The following C12orf75 variants were observed in gnomAD, a reference collection of about 807,000 sequenced individuals.
C12orf75 encodes chromosome 12 open reading frame 75, also known as overexpressed in colon carcinoma 1 protein.
In C12orf75, 4 loss-of-function variants were observed where a neutral mutation model predicts 11.4. That is an observed-to-expected ratio of 0.35 (90% confidence interval 0.17 to 0.80). The LOEUF (loss-of-function observed/expected upper bound fraction) is 0.80, where lower values mean the gene tolerates loss of function less well. C12orf75 is among the 30% of genes least tolerant of loss of function. The pLI is 0.52. For synonymous variants in C12orf75, 30 were observed against 30.0 expected (o/e 1.00, Z 0.00); for missense variants, 89 against 80.4 (o/e 1.11, Z -0.41).
intron 1 of C12orf75, among the ~76,000 whole-genome samples, chr12:105,333,184 G>T (rs1320434604): frequency 6.6e-6 from 1 of 152,146 alleles, no homozygotes; most frequent in Non-Finnish European, 1.5e-5. Context: ...CCAAACATTT[G>T]CCTGCCTGTG....
intron 2 of C12orf75, among the ~76,000 whole-genome samples, chr12:105,357,185 G>C (rs1037017550): frequency 6.6e-6 from 1 of 152,186 alleles, no homozygotes; most frequent in Non-Finnish European, 1.5e-5. Context: ...ACTACCTAGA[G>C]AATCTGGATC....
In C12orf75 at chr12:105,371,095, A is replaced by G. The variant is rs1281422414; in HGVS notation, c.*495A>G. 1 of 153,880 alleles carries G rather than the reference A, an allele frequency of 6.5e-6. No individual in the cohort carries two copies. The highest frequency in any genetic ancestry group is 1.9e-4 in the East Asian group (1 of 5,282). 9.5% of individuals were successfully genotyped at this position (153,880 alleles called of 1,614,324 possible). On this transcript the variant is annotated 3_prime_UTR_variant, in exon 6 of 6. Coordinates refer to ENST00000443585, the MANE Select transcript of C12orf75 (RefSeq NM_001145199.2). Reference sequence around the variant, plus strand: ...CTTTTGCTATTTCTACTTCACTTTAATTTTTAGCTGTAAAATTGGTAAATG... The same window carrying G: ...CTTTTGCTATTTCTACTTCACTTTAGTTTTTAGCTGTAAAATTGGTAAATG...
At chr12:105,366,196 T>A (rs1271131007) in intron 3 of C12orf75, 3 of 320,002 alleles carry the variant, frequency 9.4e-6, no homozygotes, top group Non-Finnish European at 1.7e-5. Flanking sequence ...TCTCTTGCTG[T>A]CTCTGCCCTC....
chr12:105,364,405 A>G (rs1344815562), intron 2 of C12orf75, among the ~76,000 whole-genome samples: 3 of 152,254 alleles, frequency 2.0e-5, no homozygotes, highest in African/African-American at 7.2e-5. Context: ...GTTTGGATGA[A>G]TTAGGTCTCA....
At chr12:105,335,006 A>T (rs1042797720) in intron 1 of C12orf75, among the ~76,000 whole-genome samples, 3 of 152,250 alleles carry the variant, frequency 2.0e-5, no homozygotes, top group African/African-American at 7.2e-5. Context: ...GAGTTATCTC[A>T]GAAATATTCA....
chr12:105,339,364 AAAG>A (rs147995067), intron 1 of C12orf75, among the ~76,000 whole-genome samples: 3,768 of 151,588 alleles, frequency 0.025, 182 homozygotes, highest in African/African-American at 0.085. Context: ...ATTTATGCTG[AAAG>A]AAGAGTGCTT....
intron 1 of C12orf75, among the ~76,000 whole-genome samples, chr12:105,332,981 T>G (rs760267765): frequency 2.6e-5 from 4 of 151,766 alleles, no homozygotes; most frequent in Non-Finnish European, 4.4e-5. Context: ...CAGCCTCACT[T>G]TTGTTTGTGG....
At chr12:105,345,108 C>T (rs1892622163) in intron 1 of C12orf75, among the ~76,000 whole-genome samples, 1 of 152,044 alleles carries the variant, frequency 6.6e-6, no homozygotes, top group African/African-American at 2.4e-5. Context: ...TCAGGCACAA[C>T]TGACCAGCAT....
intron 1 of C12orf75, among the ~76,000 whole-genome samples, chr12:105,336,261 G>A (rs1892498205): frequency 6.6e-6 from 1 of 152,208 alleles, no homozygotes; most frequent in Non-Finnish European, 1.5e-5. Flanking sequence ...GGACAGAAAG[G>A]CACTGAGGCC....
intron 1 of C12orf75, among the ~76,000 whole-genome samples, chr12:105,340,739 G>C (rs1355965550): frequency 6.6e-6 from 1 of 152,102 alleles, no homozygotes; most frequent in African/African-American, 2.4e-5. Flanking sequence ...TAAAGTTAAG[G>C]GTTTTGAGAT....
intron 2 of C12orf75, among the ~76,000 whole-genome samples, chr12:105,357,233 C>G (rs1892795476): frequency 6.6e-6 from 1 of 152,178 alleles, no homozygotes. Flanking sequence ...AAGAAGAGCA[C>G]CTGGCTGGTT....
intron 2 of C12orf75, among the ~76,000 whole-genome samples, chr12:105,364,543 C>T (rs778751969): frequency 1.8e-4 from 27 of 152,194 alleles, no homozygotes; most frequent in South Asian, 4.1e-4. Context: ...GCAAAAATCT[C>T]ATGCACATAT....
At chr12:105,354,977 A>G (rs1892756870) in intron 2 of C12orf75, among the ~76,000 whole-genome samples, 1 of 151,832 alleles carries the variant, frequency 6.6e-6, no homozygotes, top group Admixed American at 6.6e-5. Context: ...TATCGAAAGG[A>G]GGATTTTTTT....
chr12:105,370,697 A>G lies in C12orf75; in HGVS notation c.*97A>G. 1 of 457,674 alleles carries G rather than the reference A, an allele frequency of 2.2e-6. No individual in the cohort carries two copies. Among genetic ancestry groups the G allele is most frequent in the Non-Finnish European group, 4.4e-6 (1 of 226,816 alleles). 28.4% of individuals were successfully genotyped at this position (457,674 alleles called of 1,614,324 possible). A position where few individuals can be genotyped will look rare whatever the true frequency, so the allele number is the denominator to read the frequency against. ...CGTTGTAATGTGCACAGACATTTCCAAGGAAATTCTAAACAGTCACCCTTC... is the reference window on the plus strand; with the variant it reads ...CGTTGTAATGTGCACAGACATTTCCGAGGAAATTCTAAACAGTCACCCTTC... On this transcript the variant is annotated 3_prime_UTR_variant, in exon 6 of 6. Coordinates refer to ENST00000443585, the MANE Select transcript of C12orf75 (RefSeq NM_001145199.2).
At chr12:105,354,843 G>A (rs1001273819) in intron 2 of C12orf75, among the ~76,000 whole-genome samples, 4 of 152,204 alleles carry the variant, frequency 2.6e-5, no homozygotes, top group African/African-American at 9.6e-5. Flanking sequence ...TTGACTGCAA[G>A]ACATGTGCTA....
At chr12:105,331,865 C>T (rs1404556145) in intron 1 of C12orf75, among the ~76,000 whole-genome samples, 1 of 152,182 alleles carries the variant, frequency 6.6e-6, no homozygotes, top group Non-Finnish European at 1.5e-5. Flanking sequence ...AACCAGATGC[C>T]ACATCCTAGC....
chr12:105,363,755 A>G (rs1463775284), intron 2 of C12orf75, among the ~76,000 whole-genome samples: 1 of 151,744 alleles, frequency 6.6e-6, no homozygotes, highest in Non-Finnish European at 1.5e-5. Context: ...TGGACATCTT[A>G]TAAGTCTTTA....
chr12:105,331,046 C>T, intron 1 of C12orf75, 109 bp downstream of exon 1: 1 of 716,240 alleles, frequency 1.4e-6, no homozygotes, highest in Non-Finnish European at 1.9e-6. Flanking sequence ...TCCCCGTCCC[C>T]ATTTTCGGGA....
chr12:105,354,570 A>C (rs959556408), intron 2 of C12orf75, among the ~76,000 whole-genome samples: 4 of 152,192 alleles, frequency 2.6e-5, no homozygotes, highest in African/African-American at 9.6e-5. Context: ...CCCCCGGTGA[A>C]TGACAGCTAG....
Sources: gnomAD v4.1 joint callset for allele counts (sites outside exome capture counted in the v4.1 genomes callset) on GRCh38, gnomAD v4.1.1 for gene constraint, MANE v1.5 for transcripts, NCBI Gene and HGNC (gene_info 2026-07-23, HGNC 2026-07-21) for gene names.